The following PARVA variants were observed in gnomAD, a reference collection of about 807,000 sequenced individuals.
PARVA encodes alpha-parvin.
PARVA carries 25 observed loss-of-function variants against 52.6 expected under a neutral mutation model. The ratio of observed to expected loss-of-function variants is 0.48; its 90% CI spans 0.35 to 0.66. The LOEUF (loss-of-function observed/expected upper bound fraction) is 0.66, where lower values mean the gene tolerates loss of function less well. PARVA is among the 30% of genes least tolerant of loss of function. The probability of loss-of-function intolerance (pLI) is 0.01; values close to 1 mark genes in which losing one functional copy is unlikely to be tolerated. For missense variants in PARVA, 373 were observed against 450.9 expected, an observed-to-expected ratio of 0.83 and a Z score of 1.56; for synonymous variants, 185 against 179.1, an observed-to-expected ratio of 1.03 and a Z score of -0.26.
chr11:12,377,702 T>A lies in PARVA; in HGVS notation c.55T>A (p.Ser19Thr). 6.4e-7 allele frequency: 1 copy of A among 1,566,158 alleles called. No homozygotes were observed. The change falls in exon 1 of 13, where the codon TCG becomes ACG. Residue 19 changes from serine to threonine, a missense_variant. Coordinates refer to ENST00000334956, the MANE Select transcript of PARVA (RefSeq NM_018222.5). ...PSVPKSPTPK[S>T]PPSRKKDDSF... ...TGTCCCCAAGTCTCCCACTCCCAAG[T>A]CGCCCCCGTCCCGCAAGAAAGATGA...
intron 7 of PARVA, among the ~76,000 whole-genome samples, chr11:12,509,587 G>T (rs112732412): frequency 0.015 from 2,307 of 152,304 alleles, 31 homozygotes; most frequent in Non-Finnish European, 0.024. Flanking sequence ...GGAGTCTGGG[G>T]CACTGCCCGT....
intron 10 of PARVA, among the ~76,000 whole-genome samples, chr11:12,515,102 C>G (rs1466037454): frequency 6.6e-6 from 1 of 152,224 alleles, no homozygotes; most frequent in Non-Finnish European, 1.5e-5. Context: ...GTCCATTAGT[C>G]CCACTGCTAG....
In PARVA at chr11:12,522,789, TAAAAA is replaced by T. The variant is rs59606718; in HGVS notation, c.1042+4281_1042+4285del. On this transcript the variant is annotated intron_variant, in intron 12 of 12. Transcript: ENST00000334956. ...TATAGCTATACCTCAGTAAAACTGT[TAAAAA>T]AAAAAAAACAGACAGCTCATGTAAC... Among the ~76,000 whole-genome samples, 4 of 147,500 alleles carry T rather than the reference TAAAAA, an allele frequency of 2.7e-5. No homozygotes were observed. In the East Asian group the frequency reaches 7.9e-4, roughly 29 times the overall value.
intron 1 of PARVA, among the ~76,000 whole-genome samples, chr11:12,399,150 A>G (rs930512339): frequency 3.9e-5 from 6 of 152,214 alleles, no homozygotes; most frequent in East Asian, 1.9e-4. Context: ...CGCTCAGTAT[A>G]TATTACATTT....
chr11:12,446,814 G>A (rs10765949), intron 1 of PARVA, among the ~76,000 whole-genome samples: 43,839 of 152,092 alleles, frequency 0.29, 7,040 homozygotes, highest in Non-Finnish European at 0.35. Flanking sequence ...TTTCTGGCCC[G>A]TTGTTTCATG....
intron 1 of PARVA, among the ~76,000 whole-genome samples, chr11:12,380,150 C>T (rs1205611124): frequency 1.3e-5 from 2 of 152,282 alleles, no homozygotes; most frequent in Admixed American, 1.3e-4. Flanking sequence ...ACTTTTGCAT[C>T]CTGTCTCTTT....
At chr11:12,475,459 T>TATCA (rs1296201599) in intron 3 of PARVA, among the ~76,000 whole-genome samples, 1 of 152,206 alleles carries the variant, frequency 6.6e-6, no homozygotes, top group East Asian at 1.9e-4. Context: ...CTTTTTTTTC[T>TATCA]ATCATTGTAC....
chr11:12,511,611 C>G (rs1941503616), intron 8 of PARVA, 78 bp downstream of exon 8: 1 of 1,455,766 alleles, frequency 6.9e-7, no homozygotes, highest in Non-Finnish European at 9.6e-7. Context: ...CTGGGAGGAA[C>G]AGGCTCTCAG....
chr11:12,429,908 CCTT>C (rs1182964464), intron 1 of PARVA, among the ~76,000 whole-genome samples: 1 of 152,118 alleles, frequency 6.6e-6, no homozygotes, highest in Non-Finnish European at 1.5e-5. Context: ...GGCATGAGCA[CCTT>C]CTTTGCTGAT....
chr11:12,506,472 T>C (rs1941432640), intron 6 of PARVA, among the ~76,000 whole-genome samples: 1 of 152,198 alleles, frequency 6.6e-6, no homozygotes, highest in Admixed American at 6.5e-5. Context: ...ACAGAAATAA[T>C]AAAATCTGCC....
chr11:12,497,233 G>T (rs1941309919), intron 5 of PARVA, among the ~76,000 whole-genome samples: 1 of 152,106 alleles, frequency 6.6e-6, no homozygotes, highest in Non-Finnish European at 1.5e-5. Flanking sequence ...CAGACTTAAT[G>T]AGTCCCTATC....
intron 12 of PARVA, among the ~76,000 whole-genome samples, chr11:12,526,853 GT>G (rs1941708265): frequency 6.6e-6 from 1 of 152,044 alleles, no homozygotes; most frequent in African/African-American, 2.4e-5. Context: ...CAGAGAGGGG[GT>G]CTTGTTGGGG....
At chr11:12,518,320 T>G in intron 11 of PARVA, 125 bp from the exon 12 acceptor site, 2 of 702,102 alleles carry the variant, frequency 2.8e-6, no homozygotes, top group Non-Finnish European at 5.0e-6. Context: ...TAGCCATATT[T>G]CTCCTTGAAA....
intron 1 of PARVA, among the ~76,000 whole-genome samples, chr11:12,396,092 C>G (rs77306612): frequency 0.015 from 2,319 of 152,246 alleles, 54 homozygotes; most frequent in African/African-American, 0.052. Context: ...CTTACAGGAA[C>G]CCTGGGAGGT....
intron 1 of PARVA, among the ~76,000 whole-genome samples, chr11:12,469,816 G>A (rs1188666213): frequency 6.6e-6 from 1 of 152,126 alleles, no homozygotes; most frequent in East Asian, 1.9e-4. Context: ...AAAGAGGCAG[G>A]GCAGAGGGGA....
At chr11:12,378,651 G>A (rs1470427886) in intron 1 of PARVA, among the ~76,000 whole-genome samples, 4 of 146,036 alleles carry the variant, frequency 2.7e-5, no homozygotes, top group African/African-American at 1.0e-4. Flanking sequence ...TTGCGTCCTG[G>A]TTTTTGGTTT....
At chr11:12,403,213 C>G (rs1260040099) in intron 1 of PARVA, among the ~76,000 whole-genome samples, 1 of 152,258 alleles carries the variant, frequency 6.6e-6, no homozygotes, top group African/African-American at 2.4e-5. Flanking sequence ...ACTCCTGTCC[C>G]CCTCCCTCTT....
At position 12,531,843 on chromosome 11, in the gene PARVA, T is replaced by A. The variant is rs759743676; in HGVS notation, c.*3918T>A. On this transcript the variant is annotated 3_prime_UTR_variant, in exon 13 of 13. Transcript: ENST00000334956. ...CATTAAGCTGCAAGGCCGGGTAGGG[T>A]AGGTAGACTGACTCACCACCTATGG... is the stretch of plus-strand genomic sequence containing the variant. Among the ~76,000 whole-genome samples the A allele has an allele frequency of 2.0e-5, 3 of 151,960 alleles. No individual in the cohort carries two copies. The highest frequency in any genetic ancestry group is 4.4e-5 in the Non-Finnish European group (3 of 68,010).
At chr11:12,516,680 T>G (rs1941571491) in intron 10 of PARVA, among the ~76,000 whole-genome samples, 1 of 152,214 alleles carries the variant, frequency 6.6e-6, no homozygotes. Context: ...TGCTTTGTTG[T>G]TTTCCCAGAC....
Sources: gnomAD v4.1 joint callset for allele counts (sites outside exome capture counted in the v4.1 genomes callset) on GRCh38, gnomAD v4.1.1 for gene constraint, MANE v1.5 for transcripts, NCBI Gene and HGNC (gene_info 2026-07-23, HGNC 2026-07-21) for gene names.